GEMIN7: variants seen among roughly 807,000 people sequenced by gnomAD.
GEMIN7 encodes gem-associated protein 7.
Under a neutral mutation model 7.8 loss-of-function variants are expected in GEMIN7, and 7 were observed. That is an observed-to-expected ratio of 0.90 (90% CI 0.51 to 1.69). GEMIN7 has a LOEUF of 1.69. Ranked by LOEUF, GEMIN7 falls within the 40% of genes most tolerant of loss-of-function variation. The pLI is 0.00. For missense variants in GEMIN7, 159 were observed against 176.2 expected (o/e 0.90, Z 0.55); for synonymous variants, 68 against 72.4 (o/e 0.94, Z 0.31).
At chr19:45,081,286 G>C (rs370607387) in intron 2 of GEMIN7, among the ~76,000 whole-genome samples, 1 of 151,978 alleles carries the variant, frequency 6.6e-6, no homozygotes, top group Non-Finnish European at 1.5e-5. Flanking sequence ...GCCAAACCGC[G>C]TCTCTACTAA....
chr19:45,083,165 G>A (rs1413213770), intron 2 of GEMIN7, among the ~76,000 whole-genome samples: 2 of 152,198 alleles, frequency 1.3e-5, no homozygotes, highest in East Asian at 1.9e-4. Context: ...TATGTTGCCC[G>A]CTGGGCGCGG....
intron 2 of GEMIN7, among the ~76,000 whole-genome samples, chr19:45,087,138 C>T (rs1967720397): frequency 6.7e-6 from 1 of 149,852 alleles, no homozygotes; most frequent in African/African-American, 2.5e-5. Context: ...AGCCACCGCG[C>T]CCAGCCAATG....
In GEMIN7 at chr19:45,083,616, T is replaced by C. The variant is rs538519016; in HGVS notation, c.-9+3587T>C. On this transcript the variant is annotated intron_variant, in intron 2 of 2. Coordinates refer to ENST00000270257, the MANE Select transcript of GEMIN7 (RefSeq NM_024707.3). ...TTCTTCTTCTTTTTTTTTTTTTTTT[T>C]GTTTGAGACAGGGTCTCACTCTTCC... is the stretch of plus-strand genomic sequence containing the variant. Among the ~76,000 whole-genome samples the C allele has an allele frequency of 4.2e-3, 599 of 141,182 alleles. 4 individuals carry two copies. Among genetic ancestry groups the C allele is most frequent in the African/African-American group, 0.016 (560 of 35,056 alleles). 92.6% of individuals were successfully genotyped at this position (141,182 alleles called of 152,430 possible). A position where few individuals can be genotyped will look rare whatever the true frequency, so the allele number is the denominator to read the frequency against.
chr19:45,085,068 C>T (rs1292644853), intron 2 of GEMIN7, among the ~76,000 whole-genome samples: 2 of 152,120 alleles, frequency 1.3e-5, no homozygotes, highest in African/African-American at 2.4e-5. Context: ...CCACAGTGCC[C>T]GGCCAACACC....
At chr19:45,083,695 G>T (rs1329025286) in intron 2 of GEMIN7, among the ~76,000 whole-genome samples, 1 of 145,078 alleles carries the variant, frequency 6.9e-6, no homozygotes, top group Non-Finnish European at 1.5e-5. Context: ...AGCCTCCTCC[G>T]GCTCACTAGA....
Position 45,090,797 on chromosome 19 carries a change from TG to T in GEMIN7, c.*291del. On this transcript the variant is annotated 3_prime_UTR_variant, in exon 3 of 3. Coordinates refer to ENST00000270257, the MANE Select transcript of GEMIN7 (RefSeq NM_024707.3). The stretch of plus-strand genomic sequence containing the variant: ...TTTCCTGAAGACCGGGGCATCGGGG[TG>T]GGGTGATAAAGGATACAACCTGCAC... 2.6e-6 allele frequency: 1 copy of T among 390,092 alleles called. No homozygotes were observed. The highest frequency in any genetic ancestry group is 4.9e-6 in the Non-Finnish European group (1 of 204,150). 24.2% of individuals were successfully genotyped at this position (390,092 alleles called of 1,614,324 possible).
chr19:45,084,816 C>T (rs995188697), intron 2 of GEMIN7, among the ~76,000 whole-genome samples: 5 of 152,260 alleles, frequency 3.3e-5, no homozygotes, highest in East Asian at 3.8e-4. Context: ...AGCGCAATGG[C>T]GCAGTCTCGG....
chr19:45,082,221 C>T lies in GEMIN7; in HGVS notation c.-9+2192C>T, dbSNP rs567764146. ...TCTCTGTCCCTGCCCCCACCTCCTC[C>T]ACACTGGCCTTGCTACGCCCCAAAG... On this transcript the variant is annotated intron_variant, in intron 2 of 2. Coordinates refer to ENST00000270257, the MANE Select transcript of GEMIN7 (RefSeq NM_024707.3). Among the ~76,000 whole-genome samples the T allele has an allele frequency of 3.9e-5, 6 of 152,098 alleles. No homozygotes were observed. In the South Asian group the frequency reaches 1.2e-3, roughly 32 times the overall value.
chr19:45,076,031 G>A (rs1490405501), upstream of GEMIN7: 9 of 1,570,316 alleles, frequency 5.7e-6, no homozygotes, highest in African/African-American at 1.2e-4. The surrounding 1 kb of genome is among the most constrained non-coding windows in gnomAD (Gnocchi z 4.9). Context: ...TCCCACCCGA[G>A]GGTCAAAGGT....
upstream of GEMIN7, among the ~76,000 whole-genome samples, chr19:45,078,950 G>A (rs1242709084): frequency 6.6e-6 from 1 of 152,206 alleles, no homozygotes; most frequent in Non-Finnish European, 1.5e-5. Flanking sequence ...GTATGTGTAG[G>A]GGGATGGGGA....
upstream of GEMIN7, chr19:45,075,738 T>A (rs1311604327): frequency 6.2e-7 from 1 of 1,614,074 alleles, no homozygotes; most frequent in South Asian, 1.1e-5. Flanking sequence ...GGCTGGGGCC[T>A]CTGAAGAGCT....
chr19:45,076,604 G>T (rs1461242376), upstream of GEMIN7: 1 of 336,770 alleles, frequency 3.0e-6, no homozygotes, highest in Non-Finnish European at 5.3e-6. The surrounding 1 kb of genome is among the most constrained non-coding windows in gnomAD (Gnocchi z 4.9). Flanking sequence ...ACTCAATCTA[G>T]GCAGTGTCCC....
intron 2 of GEMIN7, among the ~76,000 whole-genome samples, chr19:45,081,456 T>TA (rs770031956): frequency 0.021 from 2,797 of 130,992 alleles, 62 homozygotes; most frequent in African/African-American, 0.061. Context: ...GACTCCGTCT[T>TA]AAAAAAAAAA....
upstream of GEMIN7, chr19:45,077,005 G>A (rs1967368323): frequency 6.6e-6 from 1 of 152,182 alleles, no homozygotes; most frequent in Admixed American, 6.6e-5. Flanking sequence ...GTGCCATGGA[G>A]CAAAAGAAAG....
At chr19:45,077,539 C>A (rs1425079456), upstream of GEMIN7, among the ~76,000 whole-genome samples, 2 of 152,158 alleles carry the variant, frequency 1.3e-5, no homozygotes, top group Non-Finnish European at 2.9e-5. Flanking sequence ...CCAATGCAAG[C>A]CCCCTGAGGT....
upstream of GEMIN7, chr19:45,076,001 C>A: frequency 6.4e-7 from 1 of 1,566,948 alleles, no homozygotes; most frequent in Non-Finnish European, 8.6e-7. This position sits in a 1 kb window ranked among gnomAD's most constrained non-coding sequence, Gnocchi z 4.9. Flanking sequence ...GGGCGAGGGG[C>A]CCATGCCCAA....
chr19:45,081,380 C>T (rs1161265001), intron 2 of GEMIN7, among the ~76,000 whole-genome samples: 4 of 151,496 alleles, frequency 2.6e-5, no homozygotes, highest in African/African-American at 4.9e-5. Context: ...TGCTTGAACC[C>T]GGGAGGCGGA....
In GEMIN7 at chr19:45,090,308, G is replaced by C. The variant is rs1223623181; in HGVS notation, c.194G>C (p.Arg65Pro). The change falls in exon 3 of 3, where the codon CGT (arginine) becomes CCT (proline). Residue 65 changes from arginine (R) to proline (P), a missense_variant. Physicochemically the swap from Arg to Pro is moderately radical, Grantham distance 103. Coordinates refer to ENST00000270257, the MANE Select transcript of GEMIN7 (RefSeq NM_024707.3). ...CGGGCACGAGCCGCCCTTCGGGAGC[G>C]TTACCTCCGCAGCCTGCTGGCCATG... ...EQRARAALRERYLRSLLAMVG... is the reference protein window; with the variant it reads ...EQRARAALREPYLRSLLAMVG... The C allele has an allele frequency of 1.2e-6, 2 of 1,614,042 alleles. No homozygotes were observed. Among genetic ancestry groups the C allele is most frequent in the Non-Finnish European group, 1.7e-6 (2 of 1,180,040 alleles).
intron 2 of GEMIN7, among the ~76,000 whole-genome samples, chr19:45,086,365 C>T (rs1457213147): frequency 6.6e-6 from 1 of 152,134 alleles, no homozygotes; most frequent in African/African-American, 2.4e-5. Flanking sequence ...CTCAGTTAGT[C>T]CTCACTAGGT....
Sources: gnomAD v4.1 joint callset for allele counts (sites outside exome capture counted in the v4.1 genomes callset) on GRCh38, gnomAD v4.1.1 for gene constraint, Gnocchi (gnomAD v3.1) non-coding constraint, MANE v1.5 for transcripts, NCBI Gene and HGNC (gene_info 2026-07-23, HGNC 2026-07-21) for gene names.